ZNF485: variants seen among roughly 807,000 people sequenced by gnomAD.
The protein encoded by ZNF485 is Zinc finger protein 93 (Zinc finger protein HTF34).
A neutral mutation model predicts 10.8 loss-of-function variants in ZNF485; 9 were observed. That is an observed-to-expected ratio of 0.83 (90% CI 0.50 to 1.45). The LOEUF (loss-of-function observed/expected upper bound fraction) is 1.45. Among genes scored for constraint, ZNF485 ranks in the 40% most tolerant of loss-of-function variants. The pLI, the probability that ZNF485 is intolerant of heterozygous loss-of-function variation, is 0.00. For missense variants in ZNF485, 487 were observed against 528.0 expected (o/e 0.92, Z 0.76); for synonymous variants, 187 against 181.0 (o/e 1.03, Z -0.27).
intron 4 of ZNF485, among the ~76,000 whole-genome samples, chr10:43,613,127 A>G (rs1317043240): frequency 1.3e-5 from 2 of 152,242 alleles, no homozygotes; most frequent in Non-Finnish European, 2.9e-5. Context: ...TAACACATAT[A>G]TAGAAAAGCT....
intron 4 of ZNF485, among the ~76,000 whole-genome samples, chr10:43,610,049 T>C (rs1386720407): frequency 6.6e-6 from 1 of 152,192 alleles, no homozygotes; most frequent in Non-Finnish European, 1.5e-5. Flanking sequence ...TATATACCAC[T>C]TCCTGGTGGT....
chr10:43,608,365 T>A (rs547049210), intron 2 of ZNF485, among the ~76,000 whole-genome samples: 1 of 152,242 alleles, frequency 6.6e-6, no homozygotes, highest in East Asian at 1.9e-4. Flanking sequence ...ATAGAAGACC[T>A]TTTTGATGAG....
chr10:43,613,721 G>C (rs1838806302), intron 4 of ZNF485, among the ~76,000 whole-genome samples: 1 of 152,188 alleles, frequency 6.6e-6, no homozygotes, highest in Non-Finnish European at 1.5e-5. Context: ...CATGTATTCA[G>C]CTTTAGTATA....
rs111839423 is a variant in ZNF485, at chr10:43,616,350, T to C, written c.307T>C (p.Ser103Pro). The C allele has an allele frequency of 6.2e-6, 10 of 1,611,804 alleles. No individual in the cohort carries two copies. The African/African-American group carries it at 8.0e-5, about 13-fold the overall frequency. The change falls in exon 5 of 5, where the codon TCT becomes CCT. Residue 103 changes from serine to proline, a missense_variant. Physicochemically the swap from Ser to Pro is moderately conservative, Grantham distance 74. Transcript: ENST00000361807. ...SALKQSTSEA[S>P]VLGERTKSVM... ...CCTAAAGCAAAGCACTTCTGAAGCATCTGTTCTGGGAGAGCGAACGAAAAG... is the reference window on the plus strand; with the variant it reads ...CCTAAAGCAAAGCACTTCTGAAGCACCTGTTCTGGGAGAGCGAACGAAAAG...
At chr10:43,615,800 C>CT (rs1320393617) in intron 4 of ZNF485, among the ~76,000 whole-genome samples, 1 of 152,024 alleles carries the variant, frequency 6.6e-6, no homozygotes, top group African/African-American at 2.4e-5. Flanking sequence ...TTTCTGTTTT[C>CT]TTTTTTCCAC....
chr10:43,607,698 AAATT>A (rs1292041209), intron 2 of ZNF485, among the ~76,000 whole-genome samples: 4 of 152,256 alleles, frequency 2.6e-5, no homozygotes, highest in Non-Finnish European at 4.4e-5. Context: ...AAAATTAAAA[AAATT>A]AAAGATCACC....
chr10:43,616,827 A>C lies in ZNF485; in HGVS notation c.784A>C (p.Arg262=), dbSNP rs776271946. 6 of 1,614,000 alleles carry C rather than the reference A, an allele frequency of 3.7e-6. No homozygotes were observed. In the East Asian group the frequency reaches 1.3e-4, roughly 36 times the overall value. The change falls in exon 5 of 5, where the codon AGA becomes CGA. Residue 262 remains arginine, a synonymous_variant. Transcript: ENST00000361807. ...AQNAALTRHE[R]IHSGEKPFKC... is the part of the protein sequence containing the mutation. ...GAATGCAGCTCTTACTCGTCATGAA[A>C]GAATACATAGTGGAGAGAAGCCTTT...
intron 4 of ZNF485, 51 bp downstream of exon 4, chr10:43,609,401 G>A (rs769481199): frequency 1.7e-5 from 24 of 1,446,258 alleles, no homozygotes; most frequent in Middle Eastern, 2.1e-4. Context: ...GGAGCAGTAC[G>A]GGGGTTCCTG....
At chr10:43,611,452 G>C (rs1308924229) in intron 4 of ZNF485, among the ~76,000 whole-genome samples, 1 of 152,070 alleles carries the variant, frequency 6.6e-6, no homozygotes, top group Admixed American at 6.5e-5. Flanking sequence ...TGGACATAAT[G>C]ACTCTGAACA....
chr10:43,617,528 C>T lies in ZNF485; in HGVS notation c.*159C>T, dbSNP rs1192405926. 1 of 593,832 alleles carries T rather than the reference C, an allele frequency of 1.7e-6. No individual in the cohort carries two copies. Among genetic ancestry groups the T allele is most frequent in the African/African-American group, 1.8e-5 (1 of 54,352 alleles). The allele number at this position is 593,832 out of a possible 1,614,324, so 36.8% of individuals were successfully genotyped here. A position where few individuals can be genotyped will look rare whatever the true frequency, so the allele number is the denominator to read the frequency against. ...TCTACTAGTGAAATATTTGAAGAAA[C>T]TAAATGTATGTCAGTATGGAAGTAG... On this transcript the variant is annotated 3_prime_UTR_variant, in exon 5 of 5. Coordinates refer to ENST00000361807, the MANE Select transcript of ZNF485 (RefSeq NM_145312.4).
rs372082295 is a variant in ZNF485, at chr10:43,609,397, G to A, written c.247+47G>A. On this transcript the variant is annotated intron_variant, in intron 4 of 4. Coordinates refer to ENST00000361807, the MANE Select transcript of ZNF485 (RefSeq NM_145312.4). The stretch of plus-strand genomic sequence containing the variant: ...CAGCAGAAGCTGAGCACACGGAGCA[G>A]TACGGGGGTTCCTGAGTGGAAGCTC... 43 of 1,470,574 alleles carry A rather than the reference G, an allele frequency of 2.9e-5. 1 individual carries two copies. In the African/African-American group the frequency reaches 4.9e-4, roughly 17 times the overall value. The allele number at this position is 1,470,574 out of a possible 1,614,324, so 91.1% of individuals were successfully genotyped here. A position where few individuals can be genotyped will look rare whatever the true frequency, so the allele number is the denominator to read the frequency against.
At chr10:43,608,777 G>A (rs760620052) in intron 3 of ZNF485, 37 bp downstream of exon 3, 15 of 1,600,646 alleles carry the variant, frequency 9.4e-6, no homozygotes, top group Admixed American at 1.7e-5. Context: ...GGATTGGTCT[G>A]CTGGGCAACT....
chr10:43,608,508 G>A, intron 2 of ZNF485, 106 bp from the exon 3 acceptor site: 1 of 1,414,198 alleles, frequency 7.1e-7, no homozygotes, highest in Non-Finnish European at 9.5e-7. Context: ...GTTTCCATGA[G>A]CACTGTTGGA....
Position 43,607,058 on chromosome 10 carries a change from C to T in ZNF485, c.8C>T (p.Pro3Leu). The T allele has an allele frequency of 1.3e-6, 2 of 1,551,794 alleles. No homozygotes were observed. The highest frequency in any genetic ancestry group is 8.7e-7 in the Non-Finnish European group (1 of 1,147,032). The change falls in exon 2 of 5, where the codon CCA becomes CTA. Residue 3 changes from proline to leucine, a missense_variant. Transcript: ENST00000361807. MA[P>L]RAQIQGPLTF... The stretch of plus-strand genomic sequence containing the variant: ...GAACAGTTCAGGAGACAGATGGCCC[C>T]AAGAGCCCAGATCCAGGCAAGTTTG...
In ZNF485 at chr10:43,608,874, T is replaced by C; in HGVS notation, c.151+134T>C. On this transcript the variant is annotated intron_variant, in intron 3 of 4. Coordinates refer to ENST00000361807, the MANE Select transcript of ZNF485 (RefSeq NM_145312.4). ...GTTTTGTTTTTCTTAAGTATGGGCT[T>C]AGAGGCTGGAGTTTATGCCCCTTAC... is the stretch of plus-strand genomic sequence containing the variant. 2.4e-6 allele frequency: 3 copies of C among 1,248,438 alleles called. No individual in the cohort carries two copies. The South Asian group carries it at 4.6e-5, about 19-fold the overall frequency. The allele number at this position is 1,248,438 out of a possible 1,614,324, so 77.3% of individuals were successfully genotyped here.
Position 43,609,252 on chromosome 10 carries a change from C to T in ZNF485, c.152-3C>T. The T allele has an allele frequency of 6.2e-7, 1 of 1,608,416 alleles. No individual in the cohort carries two copies. Among genetic ancestry groups the T allele is most frequent in the South Asian group, 1.1e-5 (1 of 90,588 alleles). ...CTCTAAGATCCTTTTTCTTTATGAA[C>T]AGGGCTTCTCTCTTCCAAACCAAAA... On this transcript the variant is annotated splice_polypyrimidine_tract_variant and splice_region_variant and intron_variant, in intron 3 of 4. Transcript: ENST00000361807.
chr10:43,609,139 A>G (rs1229558476), intron 3 of ZNF485, 116 bp from the exon 4 acceptor site: 2 of 774,118 alleles, frequency 2.6e-6, no homozygotes, highest in African/African-American at 1.7e-5. Context: ...TGCTCATTGC[A>G]GATGCTCAAG....
At position 43,616,659 on chromosome 10, in the gene ZNF485, A is replaced by C. The variant is rs750277703; in HGVS notation, c.616A>C (p.Arg206=). The C allele has an allele frequency of 6.2e-7, 1 of 1,614,220 alleles. No homozygotes were observed. The highest frequency in any genetic ancestry group is 8.5e-7 in the Non-Finnish European group (1 of 1,180,048). Residue 206 remains arginine (R), a synonymous_variant, in exon 5 of 5, where the codon AGA becomes CGA. Coordinates refer to ENST00000361807, the MANE Select transcript of ZNF485 (RefSeq NM_145312.4). ...GCACTCAACGTTTATCAACCATCAGAGAATTCATTCTAGGGAGAAACCCCA... is the reference window on the plus strand; with the variant it reads ...GCACTCAACGTTTATCAACCATCAGCGAATTCATTCTAGGGAGAAACCCCA... ...KKHSTFINHQ[R]IHSREKPHKC...
intron 3 of ZNF485, among the ~76,000 whole-genome samples, 191 bp downstream of exon 3, chr10:43,608,931 T>C (rs1372270579): frequency 6.6e-6 from 1 of 152,138 alleles, no homozygotes; most frequent in African/African-American, 2.4e-5. Flanking sequence ...CCATACAGAG[T>C]TAAGATGGGT....
Sources: gnomAD v4.1 joint callset for allele counts (sites outside exome capture counted in the v4.1 genomes callset) on GRCh38, gnomAD v4.1.1 for gene constraint, MANE v1.5 for transcripts, NCBI Gene and HGNC (gene_info 2026-07-23, HGNC 2026-07-21) for gene names.